DIP2B: variants seen among roughly 807,000 people sequenced by gnomAD.
DIP2B encodes disco-interacting protein 2 homolog B.
DIP2B carries 76 observed loss-of-function variants against 198.0 expected under a neutral mutation model. The observed-to-expected ratio is 0.38, with a 90% CI of 0.32 to 0.46. DIP2B has a LOEUF of 0.46. DIP2B is among the 20% of genes least tolerant of loss of function. The pLI, the probability that DIP2B is intolerant of heterozygous loss-of-function variation, is 0.99. For missense variants in DIP2B, 1,559 were observed against 1,978.4 expected (o/e 0.79, Z 4.02); for synonymous variants, 701 against 739.1 (o/e 0.95, Z 0.84).
chr12:50,613,944 A>G (rs1211966874), intron 1 of DIP2B, among the ~76,000 whole-genome samples: 1 of 152,214 alleles, frequency 6.6e-6, no homozygotes, highest in Non-Finnish European at 1.5e-5. Context: ...TAGAATCGGT[A>G]TCTTTCTAAT....
chr12:50,717,450 T>C (rs537131521), intron 23 of DIP2B, among the ~76,000 whole-genome samples: 1 of 144,150 alleles, frequency 6.9e-6, no homozygotes, highest in South Asian at 2.3e-4. Flanking sequence ...ACTGCAAGCT[T>C]CGCCTCCTGG....
At chr12:50,653,346 CTTTTTTTTTT>C (rs34185073) in intron 3 of DIP2B, among the ~76,000 whole-genome samples, 8 of 76,634 alleles carry the variant, frequency 1.0e-4, no homozygotes, top group African/African-American at 3.9e-4. Flanking sequence ...TTTTTCTTTT[CTTTTTTTTTT>C]TTTTTTTTTA....
At chr12:50,604,641 A>G (rs1437394150) in intron 1 of DIP2B, among the ~76,000 whole-genome samples, 1 of 152,148 alleles carries the variant, frequency 6.6e-6, no homozygotes. Flanking sequence ...AGTTTTTTGT[A>G]GAGTCAGGTT....
At chr12:50,517,726 C>A (rs552069733) in intron 1 of DIP2B, among the ~76,000 whole-genome samples, 56 of 152,330 alleles carry the variant, frequency 3.7e-4, no homozygotes, top group Non-Finnish European at 6.6e-4. Context: ...TCTAGCCATG[C>A]CAGATGACTT....
At position 50,660,455 on chromosome 12, in the gene DIP2B, G is replaced by T. The variant is rs1324747148; in HGVS notation, c.427+136G>T. 1.5e-5 allele frequency: 15 copies of T among 1,016,018 alleles called. No individual in the cohort carries two copies. The Admixed American group carries it at 5.1e-4, about 34-fold the overall frequency. The allele number at this position is 1,016,018 out of a possible 1,614,324, so 62.9% of individuals were successfully genotyped here. On this transcript the variant is annotated intron_variant, in intron 4 of 37. Transcript: ENST00000301180. The stretch of plus-strand genomic sequence containing the variant: ...GAGGAATGTAAGAGAACACTCTGAG[G>T]TGGCAGATTTTGCTTGTCATCTCGT...
Position 50,686,670 on chromosome 12 carries a change from G to T in DIP2B, c.1539G>T (p.Pro513=), listed in dbSNP as rs770989508. The T allele has an allele frequency of 4.3e-6, 7 of 1,613,588 alleles. No homozygotes were observed. Among genetic ancestry groups the T allele is most frequent in the Non-Finnish European group, 5.9e-6 (7 of 1,179,870 alleles). ...ACATCTCACCTGCTGGGACAGAACC[G>T]GCATACATTGAGGTAAGTCCTAAGA... The part of the protein sequence containing the change: ...QPHISPAGTE[P]AYIEYKTSKE... Residue 513 remains proline (P), a synonymous_variant, in exon 12 of 38, where the codon CCG becomes CCT. Transcript: ENST00000301180.
chr12:50,588,439 C>T (rs1271871945), intron 1 of DIP2B, among the ~76,000 whole-genome samples: 1 of 152,164 alleles, frequency 6.6e-6, no homozygotes, highest in South Asian at 2.1e-4. Flanking sequence ...CACGAGCCCC[C>T]GTGCCCGGCC....
intron 1 of DIP2B, among the ~76,000 whole-genome samples, chr12:50,570,468 T>G (rs1958603073): frequency 6.6e-6 from 1 of 152,154 alleles, no homozygotes; most frequent in South Asian, 2.1e-4. Flanking sequence ...CTCAGCACTT[T>G]GGGAGGCTGA....
Position 50,695,257 on chromosome 12 carries a change from T to C in DIP2B, c.1720-10T>C, listed in dbSNP as rs370724252. 7 of 1,608,662 alleles carry C rather than the reference T, an allele frequency of 4.4e-6. No individual in the cohort carries two copies. Among genetic ancestry groups the C allele is most frequent in the Non-Finnish European group, 5.9e-6 (7 of 1,177,026 alleles). On this transcript the variant is annotated splice_polypyrimidine_tract_variant and intron_variant, in intron 14 of 37. Transcript: ENST00000301180. ...GTATTGATTACTTTTCTTCTTTCTT[T>C]GTTTTTCAGAATGTAATGAATAAGA...
At chr12:50,577,227 C>T (rs1958670263) in intron 1 of DIP2B, among the ~76,000 whole-genome samples, 1 of 152,054 alleles carries the variant, frequency 6.6e-6, no homozygotes, top group Non-Finnish European at 1.5e-5. Flanking sequence ...CCTGTTGACC[C>T]CATATTAGAA....
intron 1 of DIP2B, among the ~76,000 whole-genome samples, chr12:50,512,775 C>T (rs1376855805): frequency 6.6e-6 from 1 of 152,070 alleles, no homozygotes; most frequent in Admixed American, 6.6e-5. Flanking sequence ...GGAGGCGGAG[C>T]CGGGTGGATT....
At chr12:50,525,730 C>G (rs959305940) in intron 1 of DIP2B, among the ~76,000 whole-genome samples, 1 of 152,098 alleles carries the variant, frequency 6.6e-6, no homozygotes, top group African/African-American at 2.4e-5. Context: ...CCAGACTTGT[C>G]TTGAACTCCT....
intron 34 of DIP2B, among the ~76,000 whole-genome samples, chr12:50,736,238 G>T (rs190714493): frequency 9.9e-5 from 15 of 152,266 alleles, no homozygotes; most frequent in African/African-American, 3.6e-4. Flanking sequence ...TCACTGCCTT[G>T]TCACATCTTC....
At chr12:50,510,648 C>CT (rs1337592696) in intron 1 of DIP2B, among the ~76,000 whole-genome samples, 42,620 of 142,428 alleles carry the variant, frequency 0.3, 7,055 homozygotes, top group Non-Finnish European at 0.38. Flanking sequence ...AAAGTACCAC[C>CT]TTTTTTTTTT....
rs189039734 is a variant in DIP2B, at chr12:50,711,520, T to C, written c.2650-2875T>C. On this transcript the variant is annotated intron_variant, in intron 22 of 37. Coordinates refer to ENST00000301180, the MANE Select transcript of DIP2B (RefSeq NM_173602.3). Reference sequence around the variant, plus strand: ...TAGGATAGTCTGAGGATTGTGATTTTCAAGTTTATTCTTTTGCCCTTTTAA... The same window carrying C: ...TAGGATAGTCTGAGGATTGTGATTTCCAAGTTTATTCTTTTGCCCTTTTAA... Among the ~76,000 whole-genome samples, 414 of 152,280 alleles carry C rather than the reference T, an allele frequency of 2.7e-3. 4 individuals are homozygous for C. The highest frequency in any genetic ancestry group is 9.6e-3 in the African/African-American group (397 of 41,570).
At chr12:50,586,228 C>T (rs909570817) in intron 1 of DIP2B, among the ~76,000 whole-genome samples, 7 of 152,170 alleles carry the variant, frequency 4.6e-5, no homozygotes, top group African/African-American at 1.4e-4. Flanking sequence ...AGGAGGTGAG[C>T]ATTCAAACAA....
At chr12:50,739,702 C>T in intron 36 of DIP2B, 116 bp downstream of exon 36, 3 of 1,231,768 alleles carry the variant, frequency 2.4e-6, no homozygotes, top group South Asian at 1.4e-5. Flanking sequence ...CCTTCGGTGA[C>T]TCTTAAACCC....
chr12:50,734,905 A>G (rs1940108817), intron 33 of DIP2B, among the ~76,000 whole-genome samples, 168 bp from the exon 34 acceptor site: 1 of 152,160 alleles, frequency 6.6e-6, no homozygotes, highest in Non-Finnish European at 1.5e-5. Flanking sequence ...CCCTTTCAAC[A>G]AAAAATTATC....
rs908476759 is a variant in DIP2B at position 50,747,537 on chromosome 12, T to A, written c.*2698T>A. On this transcript the variant is annotated 3_prime_UTR_variant, in exon 38 of 38. Coordinates refer to ENST00000301180, the MANE Select transcript of DIP2B (RefSeq NM_173602.3). ...TGGTGTTTGTGGGATCACCTGCAGA[T>A]TTAAAGCCTACTCTGCCACAGACTC... is the stretch of plus-strand genomic sequence containing the variant. 2 of 152,218 alleles carry A rather than the reference T, an allele frequency of 1.3e-5. No homozygotes were observed. The highest frequency in any genetic ancestry group is 4.8e-5 in the African/African-American group (2 of 41,460). The allele number at this position is 152,218 out of a possible 1,614,324, so 9.4% of individuals were successfully genotyped here.
Sources: gnomAD v4.1 joint callset for allele counts (sites outside exome capture counted in the v4.1 genomes callset) on GRCh38, gnomAD v4.1.1 for gene constraint, MANE v1.5 for transcripts, NCBI Gene and HGNC (gene_info 2026-07-23, HGNC 2026-07-21) for gene names.